Variants in PTPRA observed in about 807,000 individuals in gnomAD.
PTPRA encodes the protein receptor-type tyrosine-protein phosphatase alpha.
A neutral mutation model predicts 104.8 loss-of-function variants in PTPRA; 25 were observed. The observed-to-expected ratio is 0.24, with a 90% CI of 0.17 to 0.33. The LOEUF (loss-of-function observed/expected upper bound fraction) is 0.33. Ranked by LOEUF, PTPRA falls within the 10% of genes least tolerant of loss-of-function variation. The pLI is 1.00. For synonymous variants in PTPRA, 323 were observed against 368.9 expected, an observed-to-expected ratio of 0.88 and a Z score of 1.43; for missense variants, 765 against 1,015.3, an observed-to-expected ratio of 0.75 and a Z score of 3.35.
Position 3,035,731 on chromosome 20 carries a change from A to T in PTPRA, c.2046+21A>T. 1 of 1,614,084 alleles carries T rather than the reference A, an allele frequency of 6.2e-7. No homozygotes were observed. The highest frequency in any genetic ancestry group is 1.3e-5 in the African/African-American group (1 of 75,028). The stretch of plus-strand genomic sequence containing the variant: ...CCAGGGTAAGATGGGTCGTGGGTGG[A>T]CTCTGCCCACAGGAAAAGCAGGGTT... On this transcript the variant is annotated intron_variant, in intron 21 of 23. Transcript: ENST00000399903. The surrounding 1 kb of genome is among the most constrained non-coding windows in gnomAD (Gnocchi z 5.8).
At chr20:3,015,930 C>T (rs1453041572) in intron 12 of PTPRA, 45 bp downstream of exon 12, 3 of 1,520,228 alleles carry the variant, frequency 2.0e-6, no homozygotes, top group East Asian at 4.5e-5. Context: ...ACCATGATCA[C>T]ATAATGGGTT....
intron 19 of PTPRA, 122 bp from the exon 20 acceptor site, chr20:3,027,585 G>GAGCT: frequency 7.5e-7 from 1 of 1,327,842 alleles, no homozygotes; most frequent in Non-Finnish European, 1.0e-6. Flanking sequence ...GGCCACAGGG[G>GAGCT]AGCTCTGCAT....
chr20:2,934,112 G>T (rs1178044), intron 2 of PTPRA, among the ~76,000 whole-genome samples: 97,532 of 151,940 alleles, frequency 0.64, 33,363 homozygotes, highest in East Asian at 0.88. Flanking sequence ...AATAATCTAT[G>T]AAAATTTTCT....
At chr20:2,864,927 G>A in the PTPRA span, 1 of 1,610,936 alleles carries the variant, frequency 6.2e-7, no homozygotes, top group South Asian at 1.1e-5. This position sits in a 1 kb window ranked among gnomAD's most constrained non-coding sequence, Gnocchi z 5.2. Flanking sequence ...GGGTGAGGAG[G>A]GCGAGGGTCC....
chr20:2,868,618 CTTTTTTTTTTTTT>C (rs56081198), upstream of PTPRA, among the ~76,000 whole-genome samples: 160 of 45,208 alleles, frequency 3.5e-3, 1 homozygote, highest in African/African-American at 8.0e-3. Flanking sequence ...TCATTCTGGG[CTTTTTTTTTTTTT>C]TTTTTTTTTT....
Position 2,960,500 on chromosome 20 carries a change from C to T in PTPRA, c.-6-3772C>T, listed in dbSNP as rs534300640. On this transcript the variant is annotated intron_variant, in intron 3 of 23. Transcript: ENST00000399903. ...TCCTGACCTCGTGATCCGCCCACCT[C>T]GGCCTCCCAAAGCTGGGATTACAGG... Among the ~76,000 whole-genome samples, 1,111 of 152,070 alleles carry T rather than the reference C, an allele frequency of 7.3e-3. 7 individuals are homozygous for T. The highest frequency in any genetic ancestry group is 0.012 in the Non-Finnish European group (787 of 67,978).
chr20:3,008,658 A>G (rs916414391), intron 11 of PTPRA, among the ~76,000 whole-genome samples: 2 of 150,840 alleles, frequency 1.3e-5, no homozygotes, highest in Non-Finnish European at 3.0e-5. Flanking sequence ...TTGGGAGGCC[A>G]AGGCGGTGGA....
chr20:2,966,689 A>G (rs1032015787), intron 5 of PTPRA, among the ~76,000 whole-genome samples: 3 of 152,170 alleles, frequency 2.0e-5, no homozygotes, highest in African/African-American at 7.2e-5. Context: ...GTTCTATTTT[A>G]TGTTTTATAG....
chr20:2,868,618 CTTTTTTTT>C (rs56081198), upstream of PTPRA, among the ~76,000 whole-genome samples: 3 of 45,158 alleles, frequency 6.6e-5, no homozygotes, highest in East Asian at 8.1e-4. Flanking sequence ...TCATTCTGGG[CTTTTTTTT>C]TTTTTTTTTT....
chr20:3,037,093 C>G lies in PTPRA; in HGVS notation c.2199-61C>G. On this transcript the variant is annotated intron_variant, in intron 22 of 23. Coordinates refer to ENST00000399903, the MANE Select transcript of PTPRA (RefSeq NM_001385305.1). The surrounding 1 kb of genome is among the most constrained non-coding windows in gnomAD (Gnocchi z 4.3). The stretch of plus-strand genomic sequence containing the variant: ...CACCTCTTCTGCCACTCACCACTGT[C>G]ACTCACCCCCTTGCACAGAGGGCCA... 1 of 1,582,154 alleles carries G rather than the reference C, an allele frequency of 6.3e-7. No individual in the cohort carries two copies. The highest frequency in any genetic ancestry group is 8.6e-7 in the Non-Finnish European group (1 of 1,162,236).
In PTPRA at chr20:3,022,029, C is replaced by CACACAGGATCTCCTCACT; in HGVS notation, c.1162-24_1162-7dup. On this transcript the variant is annotated intron_variant, in intron 14 of 23. Coordinates refer to ENST00000399903, the MANE Select transcript of PTPRA (RefSeq NM_001385305.1). This position sits in a 1 kb window ranked among gnomAD's most constrained non-coding sequence, Gnocchi z 4.6. ...GCCCACCCTTGGGTATCAGGGCCAA[C>CACACAGGATCTCCTCACT]ACACAGGATCTCCTCACTTCACAGG... The CACACAGGATCTCCTCACT allele has an allele frequency of 6.2e-7, 1 of 1,613,442 alleles. No homozygotes were observed. Among genetic ancestry groups the CACACAGGATCTCCTCACT allele is most frequent in the Non-Finnish European group, 8.5e-7 (1 of 1,179,522 alleles).
intron 2 of PTPRA, among the ~76,000 whole-genome samples, chr20:2,941,013 T>TGTTC (rs1239061560): frequency 1.3e-5 from 2 of 150,050 alleles, no homozygotes; most frequent in African/African-American, 2.4e-5. Flanking sequence ...TTTCTTCTGG[T>TGTTC]TTTTTTTTGG....
intron 1 of PTPRA, among the ~76,000 whole-genome samples, chr20:2,909,301 A>G (rs1256958216): frequency 6.6e-6 from 1 of 152,134 alleles, no homozygotes; most frequent in African/African-American, 2.4e-5. Flanking sequence ...AAAACAAAAC[A>G]AAACAAAACA....
rs1367517468 is a variant in PTPRA at position 3,022,902 on chromosome 20, C to T, written c.1464+78C>T. ...TGCCCACATTGAGGATTCACTCAGT[C>T]TCACAGGTTATTGTAAATGATTACT... On this transcript the variant is annotated intron_variant, in intron 16 of 23. Transcript: ENST00000399903. This position sits in a 1 kb window ranked among gnomAD's most constrained non-coding sequence, Gnocchi z 4.6. 1.9e-6 allele frequency: 3 copies of T among 1,586,186 alleles called. No individual in the cohort carries two copies. The highest frequency in any genetic ancestry group is 1.3e-5 in the African/African-American group (1 of 74,386).
At chr20:2,984,688 C>T (rs779481631) in intron 6 of PTPRA, among the ~76,000 whole-genome samples, 1 of 152,180 alleles carries the variant, frequency 6.6e-6, no homozygotes, top group Non-Finnish European at 1.5e-5. Context: ...CAATGGACTC[C>T]CAAGTCCTAA....
At chr20:2,936,748 C>T (rs182158281) in intron 2 of PTPRA, among the ~76,000 whole-genome samples, 51 of 152,320 alleles carry the variant, frequency 3.3e-4, no homozygotes, top group Non-Finnish European at 6.5e-4. Flanking sequence ...GCTGGGATTA[C>T]AAGCGTAAAC....
At chr20:3,036,015 G>GGTTCT in intron 22 of PTPRA, 74 bp downstream of exon 22, 1 of 1,600,938 alleles carries the variant, frequency 6.2e-7, no homozygotes, top group Admixed American at 1.7e-5. Flanking sequence ...ATGACCATGG[G>GGTTCT]TCAGACTGAA....
intron 5 of PTPRA, among the ~76,000 whole-genome samples, chr20:2,973,888 C>G (rs1162988639): frequency 6.6e-6 from 1 of 151,606 alleles, no homozygotes; most frequent in Non-Finnish European, 1.5e-5. Context: ...CAGGTTCTGT[C>G]ACAAAACTTC....
In PTPRA at chr20:3,029,054, G is replaced by A. The variant is rs186506721; in HGVS notation, c.1920+1213G>A. ...CACTAGTTGTTCCCCATCTGTACTT[G>A]TGTTAACTTTGGTACAAGGCTTTAC... On this transcript the variant is annotated intron_variant, in intron 20 of 23. Transcript: ENST00000399903. 5.7e-4 allele frequency among the ~76,000 whole-genome samples: 86 copies of A among 150,876 alleles called. 1 individual carries two copies. Among genetic ancestry groups the A allele is most frequent in the African/African-American group, 1.8e-3 (74 of 40,972 alleles).
Sources: gnomAD v4.1 joint callset for allele counts (sites outside exome capture counted in the v4.1 genomes callset) on GRCh38, gnomAD v4.1.1 for gene constraint, Gnocchi (gnomAD v3.1) non-coding constraint, MANE v1.5 for transcripts, NCBI Gene and HGNC (gene_info 2026-07-23, HGNC 2026-07-21) for gene names.